PDE8B: variants seen among roughly 807,000 people sequenced by gnomAD.
PDE8B encodes high affinity cAMP-specific and IBMX-insensitive 3',5'-cyclic phosphodiesterase 8B.
A neutral mutation model predicts 101.3 loss-of-function variants in PDE8B; 26 were observed. The ratio of observed to expected loss-of-function variants is 0.26; its 90% CI spans 0.19 to 0.36. The LOEUF (loss-of-function observed/expected upper bound fraction) is 0.36. PDE8B is among the 10% of genes least tolerant of loss of function. The pLI is 1.00. For missense variants in PDE8B, 810 were observed against 1,163.1 expected, an observed-to-expected ratio of 0.70 and a Z score of 4.42; for synonymous variants, 424 against 429.3, an observed-to-expected ratio of 0.99 and a Z score of 0.15.
At chr5:77,192,223 GT>G in the PDE8B span, among the ~76,000 whole-genome samples, 4 of 152,288 alleles carry the variant, frequency 2.6e-5, no homozygotes, top group Non-Finnish European at 5.9e-5. Flanking sequence ...AGTTTGATGA[GT>G]TTTGACAAAG....
intron 5 of PDE8B, among the ~76,000 whole-genome samples, chr5:77,331,947 C>A (rs1174184457): frequency 6.6e-6 from 1 of 152,156 alleles, no homozygotes; most frequent in Non-Finnish European, 1.5e-5. Flanking sequence ...AAGAAAAATT[C>A]TTTGAGTGAC....
At chr5:77,412,814 G>A (rs1794824583) in intron 16 of PDE8B, among the ~76,000 whole-genome samples, 1 of 152,084 alleles carries the variant, frequency 6.6e-6, no homozygotes, top group Non-Finnish European at 1.5e-5. Context: ...GTGGAAGTGG[G>A]GATGGAGAGG....
chr5:77,094,592 C>T, the PDE8B span, among the ~76,000 whole-genome samples: 1 of 152,158 alleles, frequency 6.6e-6, no homozygotes, highest in African/African-American at 2.4e-5. Context: ...AAGCATGAGC[C>T]ACTATGCCTG....
the PDE8B span, chr5:77,146,416 C>CA: frequency 6.6e-6 from 1 of 151,902 alleles, no homozygotes. Flanking sequence ...TAGAATTTGG[C>CA]AAAAAATGAT....
chr5:77,212,980 A>G (rs1437152423), intron 1 of PDE8B, among the ~76,000 whole-genome samples: 1 of 152,182 alleles, frequency 6.6e-6, no homozygotes, highest in African/African-American at 2.4e-5. Flanking sequence ...TAGAATATCT[A>G]TAATCTCAGT....
intron 16 of PDE8B, 129 bp downstream of exon 16, chr5:77,412,364 TTAGAG>T (rs1794733426): frequency 1.7e-5 from 15 of 876,922 alleles, no homozygotes; most frequent in South Asian, 1.5e-4. Context: ...TCATGCCATG[TTAGAG>T]TAGTGTTGAA....
At chr5:77,323,683 G>T (rs1775499384) in intron 2 of PDE8B, among the ~76,000 whole-genome samples, 1 of 152,090 alleles carries the variant, frequency 6.6e-6, no homozygotes, top group South Asian at 2.1e-4. Flanking sequence ...TTTTCAGCTG[G>T]GCATGTGGCT....
chr5:77,327,850 C>T (rs999025449), intron 3 of PDE8B, among the ~76,000 whole-genome samples: 1 of 152,114 alleles, frequency 6.6e-6, no homozygotes, highest in African/African-American at 2.4e-5. Flanking sequence ...AATATGGCAG[C>T]CGATCATTTC....
At position 77,257,845 on chromosome 5, in the gene PDE8B, CA is replaced by C. The variant is rs1349410788; in HGVS notation, c.339+46582del. Among the ~76,000 whole-genome samples, 12 of 152,224 alleles carry C rather than the reference CA, an allele frequency of 7.9e-5. No individual in the cohort carries two copies. In the East Asian group the frequency reaches 2.3e-3, roughly 29 times the overall value. ...CCCCATCCCCAACCCTGACAGGCCC[CA>C]GTGTGTATTGTTCCCCTCCCTGTGT... is the stretch of plus-strand genomic sequence containing the variant. On this transcript the variant is annotated intron_variant, in intron 1 of 21. Transcript: ENST00000264917.
chr5:77,220,551 G>A (rs1750881053), intron 1 of PDE8B, among the ~76,000 whole-genome samples: 1 of 152,212 alleles, frequency 6.6e-6, no homozygotes, highest in South Asian at 2.1e-4. Context: ...AGTTTGTAAG[G>A]CACCTAGTTG....
chr5:77,328,739 G>A (rs1486047563), intron 3 of PDE8B, among the ~76,000 whole-genome samples: 1 of 152,196 alleles, frequency 6.6e-6, no homozygotes, highest in Non-Finnish European at 1.5e-5. Context: ...GAATTTGCCA[G>A]TTTTTTAAGT....
intron 1 of PDE8B, among the ~76,000 whole-genome samples, chr5:77,266,460 G>C (rs1761733394): frequency 6.6e-6 from 1 of 152,210 alleles, no homozygotes; most frequent in Non-Finnish European, 1.5e-5. Context: ...GGGGAAAGAA[G>C]GCTGTGATGT....
At chr5:77,341,754 G>A (rs1412947316) in intron 6 of PDE8B, among the ~76,000 whole-genome samples, 1 of 152,190 alleles carries the variant, frequency 6.6e-6, no homozygotes, top group Non-Finnish European at 1.5e-5. Flanking sequence ...TGTCTCTTAT[G>A]AGGCAGTGCA....
chr5:77,181,274 C>T, the PDE8B span, among the ~76,000 whole-genome samples: 1 of 152,068 alleles, frequency 6.6e-6, no homozygotes, highest in Admixed American at 6.5e-5. Context: ...GCTGCGGGGT[C>T]GCAGGAAAGT....
At chr5:77,362,467 C>A (rs1239390058) in intron 10 of PDE8B, among the ~76,000 whole-genome samples, 1 of 152,072 alleles carries the variant, frequency 6.6e-6, no homozygotes, top group African/African-American at 2.4e-5. Flanking sequence ...ATGGCCTGGA[C>A]CGTAATTTCC....
the PDE8B span, among the ~76,000 whole-genome samples, chr5:77,149,129 T>C: frequency 6.6e-6 from 1 of 152,186 alleles, no homozygotes; most frequent in Non-Finnish European, 1.5e-5. Flanking sequence ...AAGACTATCC[T>C]TTCCCCATTG....
intron 9 of PDE8B, 119 bp from the exon 10 acceptor site, chr5:77,353,226 TA>T: frequency 1.4e-6 from 1 of 705,760 alleles, no homozygotes; most frequent in South Asian, 1.5e-5. Flanking sequence ...GCTTGAATTT[TA>T]AAACTGCCCT....
intron 1 of PDE8B, among the ~76,000 whole-genome samples, chr5:77,275,506 G>A (rs1446809728): frequency 2.0e-5 from 3 of 152,188 alleles, no homozygotes; most frequent in Non-Finnish European, 4.4e-5. Context: ...CACACCAGTA[G>A]GATTATCAGC....
chr5:77,250,297 G>A (rs529149802), intron 1 of PDE8B, among the ~76,000 whole-genome samples: 1 of 152,194 alleles, frequency 6.6e-6, no homozygotes, highest in East Asian at 1.9e-4. Context: ...TGGAACTTGG[G>A]GATTGAAACA....
Sources: gnomAD v4.1 joint callset for allele counts (sites outside exome capture counted in the v4.1 genomes callset) on GRCh38, gnomAD v4.1.1 for gene constraint, MANE v1.5 for transcripts, NCBI Gene and HGNC (gene_info 2026-07-23, HGNC 2026-07-21) for gene names.